ROBO1: variants seen among roughly 807,000 people sequenced by gnomAD.
The protein encoded by ROBO1 is roundabout guidance receptor 1.
ROBO1 carries 149 observed loss-of-function variants against 195.9 expected under a neutral mutation model. That is an observed-to-expected ratio of 0.76 (90% CI 0.67 to 0.87). ROBO1 has a LOEUF of 0.87. Ranked by LOEUF, ROBO1 falls within the 40% of genes least tolerant of loss-of-function variation. The pLI is 0.00. For synonymous variants in ROBO1, 816 were observed against 733.2 expected (o/e 1.11, Z -1.82); for missense variants, 1,933 against 2,068.3 (o/e 0.93, Z 1.27).
chr3:79,438,651 C>A (rs1227894829), intron 2 of ROBO1, among the ~76,000 whole-genome samples: 1 of 152,080 alleles, frequency 6.6e-6, no homozygotes, highest in Non-Finnish European at 1.5e-5. Flanking sequence ...TTTTCTATTT[C>A]ATGGAGAGGA....
At chr3:79,517,057 A>G (rs1378461804) in intron 2 of ROBO1, among the ~76,000 whole-genome samples, 1 of 152,162 alleles carries the variant, frequency 6.6e-6, no homozygotes, top group African/African-American at 2.4e-5. Context: ...TTACCATACC[A>G]TAAGACTCTT....
At chr3:79,240,099 T>C (rs2082484742) in intron 2 of ROBO1, among the ~76,000 whole-genome samples, 1 of 152,182 alleles carries the variant, frequency 6.6e-6, no homozygotes, top group African/African-American at 2.4e-5. Flanking sequence ...GTAGTACTTG[T>C]TATTAACTAT....
chr3:78,673,401 A>C (rs1443297120), intron 10 of ROBO1, among the ~76,000 whole-genome samples: 1 of 148,320 alleles, frequency 6.7e-6, no homozygotes, highest in Non-Finnish European at 1.5e-5. Context: ...AATATATATT[A>C]CAGCAGGGTT....
chr3:79,041,475 CTT>C (rs34678849), intron 3 of ROBO1, among the ~76,000 whole-genome samples: 2 of 143,832 alleles, frequency 1.4e-5, no homozygotes, highest in Non-Finnish European at 3.1e-5. Context: ...GTTGCAGAAA[CTT>C]TTTTTTTTTT....
At chr3:79,677,740 T>C (rs1239821783) in intron 1 of ROBO1, among the ~76,000 whole-genome samples, 1 of 152,218 alleles carries the variant, frequency 6.6e-6, no homozygotes, top group East Asian at 1.9e-4. Context: ...GTCAAGGCCT[T>C]CAGTTCTACA....
In ROBO1 at chr3:79,762,609, A is replaced by AAC. The variant is rs60977072; in HGVS notation, c.-51+5141_-51+5142dup. Among the ~76,000 whole-genome samples, 1,223 of 146,710 alleles carry AAC rather than the reference A, an allele frequency of 8.3e-3. 12 individuals are homozygous for AAC. Among genetic ancestry groups the AAC allele is most frequent in the Middle Eastern group, 0.035 (10 of 286 alleles). On this transcript the variant is annotated intron_variant, in intron 1 of 30. Transcript: ENST00000464233. ...ACCATTTGGGGCAGAATTCTGGACA[A>AAC]ACACACACACACACACACACACAAA...
intron 2 of ROBO1, among the ~76,000 whole-genome samples, chr3:79,244,252 C>T (rs1388825071): frequency 6.6e-6 from 1 of 152,122 alleles, no homozygotes; most frequent in Non-Finnish European, 1.5e-5. Flanking sequence ...TCTCCTCCCC[C>T]TCTGACTATT....
intron 1 of ROBO1, among the ~76,000 whole-genome samples, chr3:79,760,928 A>C (rs1399351481): frequency 1.3e-5 from 2 of 151,578 alleles, no homozygotes; most frequent in African/African-American, 4.8e-5. Flanking sequence ...ATATCTAAAA[A>C]GTATGTGTGC....
chr3:79,099,687 A>G (rs1331861670), intron 3 of ROBO1, among the ~76,000 whole-genome samples: 1 of 151,844 alleles, frequency 6.6e-6, no homozygotes, highest in Non-Finnish European at 1.5e-5. Flanking sequence ...CAATTTTGTC[A>G]TCAGAGATTA....
chr3:79,387,901 C>T (rs1424172181), intron 2 of ROBO1, among the ~76,000 whole-genome samples: 3 of 152,160 alleles, frequency 2.0e-5, no homozygotes, highest in Middle Eastern at 3.4e-3. Flanking sequence ...TTCATGTGGA[C>T]GGCCTTATGA....
chr3:79,305,121 A>G (rs572194797), intron 2 of ROBO1, among the ~76,000 whole-genome samples: 1 of 152,178 alleles, frequency 6.6e-6, no homozygotes, highest in Non-Finnish European at 1.5e-5. Flanking sequence ...CTCAATGATA[A>G]CAATCACTCA....
intron 2 of ROBO1, among the ~76,000 whole-genome samples, chr3:79,543,757 G>T (rs925090914): frequency 1.2e-4 from 18 of 152,016 alleles, no homozygotes; most frequent in African/African-American, 4.1e-4. Flanking sequence ...TTCAAAGAGA[G>T]AATTCATCTA....
At position 79,384,269 on chromosome 3, in the gene ROBO1, A is replaced by G. The variant is rs572379583; in HGVS notation, c.88+205555T>C. On this transcript the variant is annotated intron_variant, in intron 2 of 30. Transcript: ENST00000464233. ...GTTATTCTTCATTTTGTCACACTGC[A>G]TCTACTAAGTTTAAAATTCTACTTT... Among the ~76,000 whole-genome samples, 5 of 152,158 alleles carry G rather than the reference A, an allele frequency of 3.3e-5. No individual in the cohort carries two copies. The South Asian group carries it at 1.0e-3, about 32-fold the overall frequency.
intron 2 of ROBO1, among the ~76,000 whole-genome samples, chr3:79,266,415 G>A (rs972018197): frequency 3.3e-5 from 5 of 151,566 alleles, no homozygotes; most frequent in Admixed American, 2.0e-4. Flanking sequence ...CCAAAAGTGA[G>A]AACAAACCTG....
At chr3:79,109,851 A>G in intron 3 of ROBO1, among the ~76,000 whole-genome samples, 1 of 152,200 alleles carries the variant, frequency 6.6e-6, no homozygotes, top group South Asian at 2.1e-4. Flanking sequence ...AATCATTTAT[A>G]CTGAAATTCA....
At chr3:78,862,272 A>G (rs537285017) in intron 4 of ROBO1, among the ~76,000 whole-genome samples, 156 of 152,300 alleles carry the variant, frequency 1.0e-3, no homozygotes, top group African/African-American at 3.6e-3. Context: ...GGCAATCTTT[A>G]GGGAGAAAAG....
chr3:79,139,811 A>C (rs1045428456), intron 2 of ROBO1, among the ~76,000 whole-genome samples: 2 of 152,044 alleles, frequency 1.3e-5, no homozygotes, highest in African/African-American at 4.8e-5. Flanking sequence ...CGTTTCTTTT[A>C]TTGTGCTTAG....
chr3:78,724,276 A>G (rs944923861), intron 5 of ROBO1, among the ~76,000 whole-genome samples: 1 of 152,160 alleles, frequency 6.6e-6, no homozygotes, highest in African/African-American at 2.4e-5. Flanking sequence ...TATGGAATAC[A>G]TGGTGGGCTG....
chr3:78,982,167 C>G (rs1324805490), intron 3 of ROBO1, among the ~76,000 whole-genome samples: 1 of 152,124 alleles, frequency 6.6e-6, no homozygotes, highest in Admixed American at 6.5e-5. Context: ...ATCCTGTGTT[C>G]TTTCGGCTCA....
Sources: allele counts gnomAD v4.1 joint callset (sites outside exome capture counted in the v4.1 genomes callset), GRCh38; gene constraint gnomAD v4.1.1; transcripts MANE v1.5; gene names NCBI Gene and HGNC (gene_info 2026-07-23, HGNC 2026-07-21).